SH3GL3: variants seen among roughly 807,000 people sequenced by gnomAD.
SH3GL3 encodes endophilin-A3.
Under a neutral mutation model 47.7 loss-of-function variants are expected in SH3GL3, and 33 were observed. The observed-to-expected ratio is 0.69, with a 90% CI of 0.52 to 0.92. The LOEUF is 0.92. SH3GL3 is among the 40% of genes least tolerant of loss of function. The probability of loss-of-function intolerance (pLI) is 0.00; values close to 1 mark genes in which losing one functional copy is unlikely to be tolerated. For missense variants in SH3GL3, 363 were observed against 417.8 expected, an observed-to-expected ratio of 0.87 and a Z score of 1.14; for synonymous variants, 155 against 148.8, an observed-to-expected ratio of 1.04 and a Z score of -0.30.
At chr15:83,463,259 A>G (rs1018619371) in intron 1 of SH3GL3, among the ~76,000 whole-genome samples, 1 of 152,236 alleles carries the variant, frequency 6.6e-6, no homozygotes, top group African/African-American at 2.4e-5. Flanking sequence ...TTAGAACTGT[A>G]GCAATTCAGA....
intron 1 of SH3GL3, among the ~76,000 whole-genome samples, chr15:83,509,328 C>T (rs778491872): frequency 2.0e-5 from 3 of 152,154 alleles, no homozygotes; most frequent in Non-Finnish European, 4.4e-5. Flanking sequence ...TGGAGAGGAC[C>T]GGAGGCTGGG....
chr15:83,580,319 T>G (rs2059797828), intron 6 of SH3GL3, among the ~76,000 whole-genome samples: 1 of 152,176 alleles, frequency 6.6e-6, no homozygotes, highest in Non-Finnish European at 1.5e-5. Context: ...TCAAACACAG[T>G]GGGTCTTTGG....
intron 1 of SH3GL3, among the ~76,000 whole-genome samples, chr15:83,514,926 G>A (rs781536531): frequency 6.6e-6 from 1 of 152,072 alleles, no homozygotes; most frequent in Non-Finnish European, 1.5e-5. Flanking sequence ...AGAAGGCAAT[G>A]CGAGGATGGA....
intron 1 of SH3GL3, among the ~76,000 whole-genome samples, chr15:83,507,433 T>A (rs990221577): frequency 6.6e-6 from 1 of 151,978 alleles, no homozygotes; most frequent in Non-Finnish European, 1.5e-5. Flanking sequence ...ATTTTTTTTT[T>A]GAGAGAGAGT....
chr15:83,592,212 C>T (rs1427640679), intron 8 of SH3GL3, among the ~76,000 whole-genome samples: 2 of 152,174 alleles, frequency 1.3e-5, no homozygotes, highest in African/African-American at 2.4e-5. Context: ...AATGGCTTAG[C>T]TTCCTAACCC....
intron 1 of SH3GL3, chr15:83,491,008 A>G (rs2041850647): frequency 1.3e-6 from 2 of 1,553,620 alleles, no homozygotes; most frequent in Non-Finnish European, 1.7e-6. Flanking sequence ...ACAGATCTTC[A>G]TGGTGAAAAG....
intron 1 of SH3GL3, among the ~76,000 whole-genome samples, chr15:83,526,768 G>C (rs1460342213): frequency 6.6e-6 from 1 of 151,992 alleles, no homozygotes; most frequent in African/African-American, 2.4e-5. Context: ...CCCTGTGACA[G>C]GAGTTTGTCA....
intron 1 of SH3GL3, among the ~76,000 whole-genome samples, chr15:83,517,861 T>A (rs2043050841): frequency 6.6e-6 from 1 of 152,144 alleles, no homozygotes; most frequent in Non-Finnish European, 1.5e-5. Flanking sequence ...GTACTGAGCA[T>A]ATTACTCAAA....
At chr15:83,480,323 T>C (rs188589143) in intron 1 of SH3GL3, among the ~76,000 whole-genome samples, 56 of 152,364 alleles carry the variant, frequency 3.7e-4, no homozygotes, top group African/African-American at 1.3e-3. Context: ...TCACTGTTTG[T>C]TCTAAAAATA....
In SH3GL3 at chr15:83,563,361, G is replaced by T. The variant is rs902897553; in HGVS notation, c.115-1773G>T. On this transcript the variant is annotated intron_variant, in intron 2 of 8. Transcript: ENST00000427482. ...CTAACAAACATGTTTTTCCTTCACT[G>T]CAATTTGCTCGTGTGTTTCTAAAAG... Among the ~76,000 whole-genome samples the T allele has an allele frequency of 1.5e-4, 23 of 151,896 alleles. 1 individual carries two copies. The highest frequency in any genetic ancestry group is 1.2e-3 in the Admixed American group (18 of 15,272).
chr15:83,616,193 T>C (rs2060808808), intron 8 of SH3GL3, among the ~76,000 whole-genome samples: 1 of 151,712 alleles, frequency 6.6e-6, no homozygotes, highest in Admixed American at 6.6e-5. Flanking sequence ...TGATATTAGG[T>C]TGGTGCAAAA....
At position 83,450,218 on chromosome 15, in the gene SH3GL3, A is replaced by AT. The variant is rs2039670881; in HGVS notation, c.45+2641dup. On this transcript the variant is annotated intron_variant, in intron 1 of 8. Transcript: ENST00000427482. ...GCAATGGTTTCACAACTCTGTGAAT[A>AT]TGCTGAAAACCACTGAATTGTACAC... 3.9e-5 allele frequency among the ~76,000 whole-genome samples: 6 copies of AT among 152,356 alleles called. No homozygotes were observed. The South Asian group carries it at 1.2e-3, about 32-fold the overall frequency.
chr15:83,626,954 A>G, the SH3GL3 span, among the ~76,000 whole-genome samples: 1 of 152,190 alleles, frequency 6.6e-6, no homozygotes, highest in Non-Finnish European at 1.5e-5. Flanking sequence ...TCCAGGTCTA[A>G]GGCAGGTTGA....
At chr15:83,486,066 AT>A (rs2041581265) in intron 1 of SH3GL3, among the ~76,000 whole-genome samples, 1 of 152,136 alleles carries the variant, frequency 6.6e-6, no homozygotes, top group African/African-American at 2.4e-5. Context: ...TTCTCTAACC[AT>A]GCTACCACTA....
At chr15:83,490,264 C>T (rs1167925436) in intron 1 of SH3GL3, among the ~76,000 whole-genome samples, 2 of 141,526 alleles carry the variant, frequency 1.4e-5, no homozygotes, top group Non-Finnish European at 3.0e-5. Flanking sequence ...AGTGATTTTG[C>T]GTTTTTTTTT....
intron 1 of SH3GL3, among the ~76,000 whole-genome samples, chr15:83,543,900 T>A (rs1181603926): frequency 1.3e-5 from 2 of 152,082 alleles, no homozygotes; most frequent in African/African-American, 4.8e-5. Context: ...ATTTGGGTCT[T>A]CTCTCTTTTT....
chr15:83,611,241 A>G (rs1441817584), intron 8 of SH3GL3, among the ~76,000 whole-genome samples: 1 of 144,248 alleles, frequency 6.9e-6, no homozygotes, highest in Non-Finnish European at 1.5e-5. Context: ...CTCTTGTGGT[A>G]GGGTCTCTCT....
chr15:83,510,407 A>C (rs770854404), intron 1 of SH3GL3, among the ~76,000 whole-genome samples: 1 of 152,182 alleles, frequency 6.6e-6, no homozygotes, highest in Non-Finnish European at 1.5e-5. Context: ...CTTTGCTTAT[A>C]TAAGTTTGGA....
At chr15:83,542,104 C>A (rs904044338) in intron 1 of SH3GL3, among the ~76,000 whole-genome samples, 1 of 152,144 alleles carries the variant, frequency 6.6e-6, no homozygotes, top group Non-Finnish European at 1.5e-5. Flanking sequence ...GGTTTGAGGT[C>A]TTAGATTTAA....
Sources: allele counts gnomAD v4.1 joint callset (sites outside exome capture counted in the v4.1 genomes callset), GRCh38; gene constraint gnomAD v4.1.1; transcripts MANE v1.5; gene names NCBI Gene and HGNC (gene_info 2026-07-23, HGNC 2026-07-21).